Variants in BRAF observed in about 807,000 individuals in gnomAD.
The protein encoded by BRAF is serine/threonine-protein kinase B-raf.
BRAF carries 16 observed loss-of-function variants against 104.6 expected under a neutral mutation model. The observed-to-expected ratio is 0.15, with a 90% CI of 0.10 to 0.23. BRAF has a LOEUF of 0.23. Among genes scored for constraint, BRAF ranks in the 10% least tolerant of loss-of-function variants. BRAF has a pLI of 1.00. For synonymous variants in BRAF, 310 were observed against 341.6 expected (o/e 0.91, Z 1.02); for missense variants, 541 against 937.3 (o/e 0.58, Z 5.52).
intron 14 of BRAF, among the ~76,000 whole-genome samples, chr7:140,755,028 T>C (rs1798087256): frequency 6.6e-6 from 1 of 152,140 alleles, no homozygotes; most frequent in Admixed American, 6.5e-5. Context: ...TTGTTGTTTT[T>C]GGGGAGACAA....
chr7:140,859,587 T>C (rs1586434763), intron 1 of BRAF, among the ~76,000 whole-genome samples: 1 of 152,048 alleles, frequency 6.6e-6, no homozygotes, highest in Admixed American at 6.6e-5. Flanking sequence ...TTCAATATTA[T>C]AATGATGTCA....
intron 1 of BRAF, among the ~76,000 whole-genome samples, chr7:140,855,332 A>G (rs1809655067): frequency 2.0e-5 from 3 of 152,268 alleles, no homozygotes; most frequent in African/African-American, 7.2e-5. Flanking sequence ...GAAAGTTACT[A>G]AAAGATCTCC....
chr7:140,761,689 G>A (rs1472049612), intron 14 of BRAF, among the ~76,000 whole-genome samples: 3 of 152,112 alleles, frequency 2.0e-5, no homozygotes, highest in Admixed American at 2.0e-4. Flanking sequence ...AAAGGATGGA[G>A]GAAGATCTAC....
In BRAF at chr7:140,726,488, T is replaced by C. The variant is rs1795603386; in HGVS notation, c.*6A>G. The C allele has an allele frequency of 6.5e-7, 1 of 1,536,494 alleles. No individual in the cohort carries two copies. The highest frequency in any genetic ancestry group is 8.7e-7 in the Non-Finnish European group (1 of 1,146,990). ...GAAATAAGAGCAGATGCTGCCATGA[T>C]GGTGGCTACTTGAAGGCTGCAAATT... On this transcript the variant is annotated 3_prime_UTR_variant, in exon 20 of 20. Coordinates refer to ENST00000644969, the MANE Select transcript of BRAF (RefSeq NM_001374258.1).
At chr7:140,766,281 G>GGTGATGTTGTGATGTGTGTGTGATGGGGT (rs1164364851) in intron 14 of BRAF, among the ~76,000 whole-genome samples, 2 of 151,956 alleles carry the variant, frequency 1.3e-5, no homozygotes, top group African/African-American at 4.8e-5. Flanking sequence ...CACACTCTGG[G>GGTGATGTTGTGATGTGTGTGTGATGGGGT]GACTATTGTG....
At chr7:140,880,660 T>C (rs980075228) in intron 1 of BRAF, among the ~76,000 whole-genome samples, 1 of 152,166 alleles carries the variant, frequency 6.6e-6, no homozygotes, top group African/African-American at 2.4e-5. Flanking sequence ...ATAAGAAGAA[T>C]TGAAAGTCAA....
At chr7:140,777,532 C>A (rs527238568) in intron 13 of BRAF, among the ~76,000 whole-genome samples, 2 of 152,272 alleles carry the variant, frequency 1.3e-5, no homozygotes, top group East Asian at 3.9e-4. Context: ...AACATAACAG[C>A]CTTCTGTGAA....
intron 14 of BRAF, chr7:140,773,163 A>G (rs913339358): frequency 2.0e-5 from 3 of 151,876 alleles, no homozygotes; most frequent in South Asian, 2.1e-4. Context: ...CCCAATGCCT[A>G]TTTTTCTCTA....
chr7:140,757,697 T>C (rs1414465176), intron 14 of BRAF, among the ~76,000 whole-genome samples: 1 of 152,204 alleles, frequency 6.6e-6, no homozygotes, highest in East Asian at 1.9e-4. Flanking sequence ...TAATAAAACA[T>C]AGGTTATTTT....
intron 1 of BRAF, among the ~76,000 whole-genome samples, chr7:140,908,450 C>T (rs889909032): frequency 2.0e-5 from 3 of 152,020 alleles, no homozygotes; most frequent in Non-Finnish European, 2.9e-5. Flanking sequence ...TTTCTCCACA[C>T]GTGATTTGCC....
intron 1 of BRAF, among the ~76,000 whole-genome samples, chr7:140,875,958 C>T (rs1000763917): frequency 7.9e-5 from 12 of 152,160 alleles, no homozygotes; most frequent in African/African-American, 2.7e-4. Flanking sequence ...AAATTCCTCA[C>T]ACAGAAGGGA....
chr7:140,786,488 C>T (rs1267647), intron 9 of BRAF, among the ~76,000 whole-genome samples: 45,374 of 152,094 alleles, frequency 0.3, 10,799 homozygotes, highest in African/African-American at 0.66. Flanking sequence ...CACTTCAAGA[C>T]AGTCTCAAAT....
At chr7:140,913,048 A>C (rs1205518642) in intron 1 of BRAF, among the ~76,000 whole-genome samples, 2 of 152,150 alleles carry the variant, frequency 1.3e-5, no homozygotes, top group Non-Finnish European at 2.9e-5. Flanking sequence ...TTTATCTGAA[A>C]TGCCTCCTCC....
chr7:140,798,216 A>G (rs1802684056), intron 7 of BRAF, among the ~76,000 whole-genome samples: 2 of 151,552 alleles, frequency 1.3e-5, no homozygotes, highest in African/African-American at 4.9e-5. Flanking sequence ...AATATTTCTA[A>G]TCTTAACATC....
At chr7:140,791,640 C>T (rs564089918) in intron 8 of BRAF, among the ~76,000 whole-genome samples, 4 of 152,302 alleles carry the variant, frequency 2.6e-5, no homozygotes, top group Admixed American at 2.0e-4. Flanking sequence ...TATCCAACTG[C>T]TACTGGATTT....
chr7:140,868,153 T>G (rs538089752), intron 1 of BRAF, among the ~76,000 whole-genome samples: 25 of 152,306 alleles, frequency 1.6e-4, no homozygotes, highest in Non-Finnish European at 1.3e-4. Context: ...CAGAATATAG[T>G]GTGCTCATTG....
chr7:140,782,182 A>G (rs1800945973), intron 11 of BRAF, among the ~76,000 whole-genome samples: 1 of 152,182 alleles, frequency 6.6e-6, no homozygotes, highest in Non-Finnish European at 1.5e-5. Flanking sequence ...TCCTTGTGAT[A>G]CTTTGCTCAG....
At chr7:140,916,894 T>C (rs1277858186) in intron 1 of BRAF, among the ~76,000 whole-genome samples, 1 of 152,170 alleles carries the variant, frequency 6.6e-6, no homozygotes, top group African/African-American at 2.4e-5. Context: ...GATTTTAAAT[T>C]TAACTATAAA....
At chr7:140,797,269 G>T (rs566794549) in intron 7 of BRAF, among the ~76,000 whole-genome samples, 1 of 152,134 alleles carries the variant, frequency 6.6e-6, no homozygotes. Context: ...CTGGTGATAC[G>T]TACATTTTAA....
Sources: gnomAD v4.1 joint callset for allele counts (sites outside exome capture counted in the v4.1 genomes callset) on GRCh38, gnomAD v4.1.1 for gene constraint, MANE v1.5 for transcripts, NCBI Gene and HGNC (gene_info 2026-07-23, HGNC 2026-07-21) for gene names.